Variants in CA1 observed in about 807,000 individuals in gnomAD.
CA1 encodes the protein carbonate dehydratase I.
Under a neutral mutation model 28.8 loss-of-function variants are expected in CA1, and 27 were observed. The ratio of observed to expected loss-of-function variants is 0.94; its 90% CI spans 0.69 to 1.29. The LOEUF (loss-of-function observed/expected upper bound fraction) is 1.29. CA1 is among the 50% of genes most tolerant of loss of function. The pLI, the probability that CA1 is intolerant of heterozygous loss-of-function variation, is 0.00. For missense variants in CA1, 335 were observed against 310.5 expected, an observed-to-expected ratio of 1.08 and a Z score of -0.59; for synonymous variants, 121 against 108.8, an observed-to-expected ratio of 1.11 and a Z score of -0.70.
chr8:85,362,122 C>T (rs964198739), intron 1 of CA1, among the ~76,000 whole-genome samples: 3 of 152,136 alleles, frequency 2.0e-5, no homozygotes, highest in African/African-American at 7.2e-5. Context: ...GTTTTGTTGT[C>T]TTTTCCAGTT....
intron 4 of CA1, among the ~76,000 whole-genome samples, chr8:85,334,586 C>T (rs992691896): frequency 1.7e-4 from 26 of 151,360 alleles, no homozygotes; most frequent in Admixed American, 1.7e-3. Context: ...TCTCCTCCCT[C>T]CCTTCCTCCC....
At chr8:85,348,928 TAAG>T (rs1332430571) in intron 1 of CA1, among the ~76,000 whole-genome samples, 1 of 152,162 alleles carries the variant, frequency 6.6e-6, no homozygotes, top group Non-Finnish European at 1.5e-5. Context: ...AGCCAGGTGT[TAAG>T]GAGGACACAA....
intron 1 of CA1, among the ~76,000 whole-genome samples, chr8:85,353,883 T>G (rs1809503072): frequency 6.6e-6 from 1 of 152,196 alleles, no homozygotes; most frequent in African/African-American, 2.4e-5. Flanking sequence ...AATACATAGA[T>G]TTTTGTTCTT....
At chr8:85,376,671 A>AAATG (rs1455863329) in intron 1 of CA1, among the ~76,000 whole-genome samples, 1 of 133,814 alleles carries the variant, frequency 7.5e-6, no homozygotes, top group Non-Finnish European at 1.5e-5. Flanking sequence ...ATAAATAAAT[A>AAATG]AATAAATAAA....
At chr8:85,354,015 T>C (rs1251019915) in intron 1 of CA1, among the ~76,000 whole-genome samples, 2 of 151,940 alleles carry the variant, frequency 1.3e-5, no homozygotes, top group African/African-American at 4.8e-5. Context: ...CATGCTGGAG[T>C]GCAGTGATGT....
chr8:85,332,288 C>G (rs1028149420), intron 6 of CA1: 4 of 549,802 alleles, frequency 7.3e-6, no homozygotes, highest in Non-Finnish European at 1.3e-5. Flanking sequence ...TAAACCATAA[C>G]TATGAAAAAC....
chr8:85,351,477 T>G (rs536513568), intron 1 of CA1, among the ~76,000 whole-genome samples: 1 of 152,362 alleles, frequency 6.6e-6, no homozygotes, highest in Non-Finnish European at 1.5e-5. Flanking sequence ...TTGACAGCAC[T>G]GCTCTAGCAT....
At position 85,332,559 on chromosome 8, in the gene CA1, A is replaced by T. The variant is rs372684762; in HGVS notation, c.451-7T>A. 3.7e-6 allele frequency: 6 copies of T among 1,605,546 alleles called. No individual in the cohort carries two copies. Among genetic ancestry groups the T allele is most frequent in the Non-Finnish European group, 5.1e-6 (6 of 1,172,716 alleles). On this transcript the variant is annotated splice_region_variant and splice_polypyrimidine_tract_variant and intron_variant, in intron 5 of 7. Transcript: ENST00000523022. ...TTGGGTTGGCCTCACCAACCTGGAG[A>T]TTTAAGAAAATAAAGTATGAGATAA...
chr8:85,366,497 A>G (rs1810013756), intron 1 of CA1, among the ~76,000 whole-genome samples: 1 of 152,182 alleles, frequency 6.6e-6, no homozygotes, highest in African/African-American at 2.4e-5. Flanking sequence ...ATGGGAGGCA[A>G]AATTCAAAAG....
At chr8:85,348,250 T>G (rs1292019716) in intron 1 of CA1, among the ~76,000 whole-genome samples, 1 of 152,212 alleles carries the variant, frequency 6.6e-6, no homozygotes, top group East Asian at 1.9e-4. Flanking sequence ...GAATAAATTT[T>G]TTTTCATTCA....
At position 85,356,478 on chromosome 8, in the gene CA1, CTTA is replaced by C. The variant is rs967055509; in HGVS notation, c.-24-14822_-24-14820del. ...TGCAAATTGATAAATGCAAGGTACT[CTTA>C]TTATAATTATTTTCTTACATTTAAA... On this transcript the variant is annotated intron_variant, in intron 1 of 7. Transcript: ENST00000523022. Among the ~76,000 whole-genome samples the C allele has an allele frequency of 9.2e-5, 14 of 151,964 alleles. 1 individual carries two copies. Among genetic ancestry groups the C allele is most frequent in the South Asian group, 4.1e-4 (2 of 4,824 alleles).
intron 1 of CA1, chr8:85,342,986 G>T (rs1808988501): frequency 6.6e-6 from 1 of 152,102 alleles, no homozygotes; most frequent in African/African-American, 2.4e-5. Flanking sequence ...CCATTCTATG[G>T]CTTTAGTAAG....
chr8:85,333,653 A>G, intron 4 of CA1, 33 bp from the exon 5 acceptor site: 1 of 1,310,624 alleles, frequency 7.6e-7, no homozygotes, highest in Non-Finnish European at 1.1e-6. Flanking sequence ...TTAATTATTT[A>G]TACCAGTGTG....
Position 85,328,516 on chromosome 8 carries a change from C to T in CA1, c.*44G>A. The T allele has an allele frequency of 1.0e-6, 1 of 999,882 alleles. No homozygotes were observed. Among genetic ancestry groups the T allele is most frequent in the Non-Finnish European group, 1.6e-6 (1 of 622,200 alleles). 61.9% of individuals were successfully genotyped at this position (999,882 alleles called of 1,614,324 possible). A position where few individuals can be genotyped will look rare whatever the true frequency, so the allele number is the denominator to read the frequency against. ...TTATTTTACTGGATTATGTCAGAAG[C>T]AGGGCTGTGTTCTTGAGGAAGGACA... On this transcript the variant is annotated 3_prime_UTR_variant, in exon 8 of 8. Coordinates refer to ENST00000523022, the MANE Select transcript of CA1 (RefSeq NM_001128831.4).
rs996465079 is a variant in CA1 at position 85,357,453 on chromosome 8, G to A, written c.-24-15794C>T. Among the ~76,000 whole-genome samples, 7 of 152,316 alleles carry A rather than the reference G, an allele frequency of 4.6e-5. No homozygotes were observed. The East Asian group carries it at 1.3e-3, about 29-fold the overall frequency. The stretch of plus-strand genomic sequence containing the variant: ...GAAAAGAATCCTACCTTGCAGGATT[G>A]TGGCGAGGGTTAATGATAATATAGG... On this transcript the variant is annotated intron_variant, in intron 1 of 7. Transcript: ENST00000523022.
At chr8:85,349,129 C>T (rs967690985) in intron 1 of CA1, among the ~76,000 whole-genome samples, 3 of 152,166 alleles carry the variant, frequency 2.0e-5, no homozygotes, top group African/African-American at 7.2e-5. Flanking sequence ...ACTAAGGACA[C>T]AACAGGTGCT....
chr8:85,362,325 C>T (rs1809828804), intron 1 of CA1, among the ~76,000 whole-genome samples: 1 of 152,120 alleles, frequency 6.6e-6, no homozygotes, highest in South Asian at 2.1e-4. Context: ...TGTGAAGTCC[C>T]TTGTGTTGTG....
chr8:85,356,982 AT>A (rs1809627581), intron 1 of CA1, among the ~76,000 whole-genome samples: 1 of 152,194 alleles, frequency 6.6e-6, no homozygotes, highest in African/African-American at 2.4e-5. Flanking sequence ...AATTTCTCAG[AT>A]TTTTGGAAAG....
At chr8:85,333,340 A>G (rs1214424147) in intron 5 of CA1, among the ~76,000 whole-genome samples, 185 bp downstream of exon 5, 1 of 152,196 alleles carries the variant, frequency 6.6e-6, no homozygotes, top group African/African-American at 2.4e-5. Context: ...TCTCTTTAAG[A>G]GGGAAAAGCA....
Sources: gnomAD v4.1 joint callset for allele counts (sites outside exome capture counted in the v4.1 genomes callset) on GRCh38, gnomAD v4.1.1 for gene constraint, MANE v1.5 for transcripts, NCBI Gene and HGNC (gene_info 2026-07-23, HGNC 2026-07-21) for gene names.